Variants in WDR27 observed in about 807,000 individuals in gnomAD.
WDR27 encodes WD repeat-containing protein 27.
In WDR27, 100 loss-of-function variants were observed where a neutral mutation model predicts 114.4. The ratio of observed to expected loss-of-function variants is 0.87; its 90% CI spans 0.74 to 1.03. The LOEUF (loss-of-function observed/expected upper bound fraction) is 1.03. Among genes scored for constraint, WDR27 ranks in the 50% least tolerant of loss-of-function variants. The probability of loss-of-function intolerance (pLI) is 0.00; values close to 1 mark genes in which losing one functional copy is unlikely to be tolerated. For missense variants in WDR27, 1,129 were observed against 1,092.9 expected, an observed-to-expected ratio of 1.03 and a Z score of -0.47; for synonymous variants, 449 against 423.1, an observed-to-expected ratio of 1.06 and a Z score of -0.75.
chr6:169,676,935 T>G (rs1276528968), intron 2 of WDR27, among the ~76,000 whole-genome samples: 3 of 152,242 alleles, frequency 2.0e-5, no homozygotes, highest in Non-Finnish European at 4.4e-5. Context: ...GCCTTGGGCC[T>G]CTGGTCGCTC....
At chr6:169,546,521 C>T (rs1183405926) in intron 25 of WDR27, among the ~76,000 whole-genome samples, 1 of 152,164 alleles carries the variant, frequency 6.6e-6, no homozygotes, top group East Asian at 1.9e-4. Context: ...CCACAGTCTC[C>T]TCAGACTTGC....
At chr6:169,588,082 C>T (rs550909664) in intron 23 of WDR27, among the ~76,000 whole-genome samples, 21 of 152,260 alleles carry the variant, frequency 1.4e-4, no homozygotes, top group East Asian at 5.8e-4. Context: ...CCGCCTTTTA[C>T]GGTAACACAC....
chr6:169,466,392 G>A (rs1475441932), intron 25 of WDR27, among the ~76,000 whole-genome samples: 7 of 152,144 alleles, frequency 4.6e-5, no homozygotes, highest in Admixed American at 3.9e-4. Context: ...CAATCATGGT[G>A]GAAGGGGAAG....
chr6:169,504,092 CAG>C (rs1323786408), intron 25 of WDR27, among the ~76,000 whole-genome samples: 1 of 152,064 alleles, frequency 6.6e-6, no homozygotes, highest in Non-Finnish European at 1.5e-5. Flanking sequence ...GATAGATGAA[CAG>C]TGTGTAGTTA....
chr6:169,632,541 T>C (rs1816684108), intron 21 of WDR27, among the ~76,000 whole-genome samples: 1 of 152,118 alleles, frequency 6.6e-6, no homozygotes, highest in Non-Finnish European at 1.5e-5. Context: ...AAACTTTGTC[T>C]CTGTCAAAAC....
intron 25 of WDR27, among the ~76,000 whole-genome samples, chr6:169,549,248 T>C (rs1797808905): frequency 6.6e-6 from 1 of 152,210 alleles, no homozygotes; most frequent in Non-Finnish European, 1.5e-5. Flanking sequence ...AAGAGGGACA[T>C]ACCGATGGCA....
Position 169,659,444 on chromosome 6 carries a change from G to A in WDR27, c.1197+7C>T, listed in dbSNP as rs149944417. ...ATAGACAGGGAGGGCCGCGTCTCAG[G>A]ACTGACCTTTTGATCCGCAGTGCGG... On this transcript the variant is annotated splice_region_variant and intron_variant, in intron 11 of 25. Coordinates refer to ENST00000448612, the MANE Select transcript of WDR27 (RefSeq NM_182552.5). This position sits in a 1 kb window ranked among gnomAD's most constrained non-coding sequence, Gnocchi z 4.3. The A allele has an allele frequency of 2.9e-5, 46 of 1,606,736 alleles. 1 individual carries two copies. In the Admixed American group the frequency reaches 5.6e-4, roughly 20 times the overall value.
At chr6:169,594,907 G>C (rs1562653216) in intron 23 of WDR27, among the ~76,000 whole-genome samples, 1 of 152,200 alleles carries the variant, frequency 6.6e-6, no homozygotes, top group African/African-American at 2.4e-5. Context: ...CAGGCATGGT[G>C]GCTCAGGCCT....
At chr6:169,640,524 G>C (rs549036727) in intron 17 of WDR27, among the ~76,000 whole-genome samples, 1 of 152,316 alleles carries the variant, frequency 6.6e-6, no homozygotes, top group African/African-American at 2.4e-5. Context: ...CTGCTGCCCA[G>C]CTAACAGCAG....
rs75257655 is a variant in WDR27 at position 169,681,016 on chromosome 6, G to C, written c.189+7801C>G. On this transcript the variant is annotated intron_variant, in intron 2 of 25. Coordinates refer to ENST00000448612, the MANE Select transcript of WDR27 (RefSeq NM_182552.5). ...TGGACATGAAATCCTCAAGAATATA[G>C]AAGACTTGAAGAACACTATTAGCCA... Among the ~76,000 whole-genome samples, 1,362 of 152,226 alleles carry C rather than the reference G, an allele frequency of 8.9e-3. 9 individuals are homozygous for C. The highest frequency in any genetic ancestry group is 0.031 in the African/African-American group (1,272 of 41,536).
chr6:169,499,148 T>A (rs1312418329), intron 25 of WDR27, among the ~76,000 whole-genome samples: 5 of 152,174 alleles, frequency 3.3e-5, no homozygotes, highest in Non-Finnish European at 7.3e-5. Flanking sequence ...AGGCTGCACA[T>A]CTCAAAAGCA....
chr6:169,654,880 G>A (rs1823685072), intron 13 of WDR27, among the ~76,000 whole-genome samples: 1 of 152,234 alleles, frequency 6.6e-6, no homozygotes, highest in Admixed American at 6.5e-5. Context: ...AGCGCGCACA[G>A]AGGAGTTTGT....
At chr6:169,698,152 T>C (rs1786758945) in intron 1 of WDR27, among the ~76,000 whole-genome samples, 1 of 152,190 alleles carries the variant, frequency 6.6e-6, no homozygotes, top group Admixed American at 6.5e-5. Context: ...GCACTCAGAA[T>C]TTCTGGGTCA....
chr6:169,426,504 C>T, the WDR27 span: 3 of 152,230 alleles, frequency 2.0e-5, no homozygotes, highest in East Asian at 5.8e-4. Flanking sequence ...TAAATTATGT[C>T]CATCAGAGCT....
At chr6:169,570,734 C>T (rs1801264492) in intron 25 of WDR27, among the ~76,000 whole-genome samples, 1 of 152,186 alleles carries the variant, frequency 6.6e-6, no homozygotes, top group Admixed American at 6.5e-5. Context: ...GAGGCTGCGG[C>T]AGGAGAATTG....
At chr6:169,446,564 G>GA in the WDR27 span, among the ~76,000 whole-genome samples, 6 of 152,320 alleles carry the variant, frequency 3.9e-5, no homozygotes, top group Middle Eastern at 3.4e-3. Flanking sequence ...GCAGGAGGGA[G>GA]AAAATGCCTT....
Position 169,667,203 on chromosome 6 carries a change from G to C in WDR27, c.661-16C>G. ...GGTCCCAGACCTTTGGATAAACACAGGATTCTTTAGAAGAGGTAACAACGT... is the reference window on the plus strand; with the variant it reads ...GGTCCCAGACCTTTGGATAAACACACGATTCTTTAGAAGAGGTAACAACGT... On this transcript the variant is annotated splice_polypyrimidine_tract_variant and intron_variant, in intron 5 of 25. Transcript: ENST00000448612. 6.7e-7 allele frequency: 1 copy of C among 1,502,180 alleles called. No homozygotes were observed. 93.1% of individuals were successfully genotyped at this position (1,502,180 alleles called of 1,614,324 possible).
chr6:169,437,113 A>T, the WDR27 span, among the ~76,000 whole-genome samples: 1 of 152,208 alleles, frequency 6.6e-6, no homozygotes, highest in African/African-American at 2.4e-5. Flanking sequence ...CTAAGGTAAA[A>T]TGAGTGATTG....
rs1217984037 is a variant in WDR27, at chr6:169,684,373, C to T, written c.189+4444G>A. Among the ~76,000 whole-genome samples, 1 of 152,150 alleles carries T rather than the reference C, an allele frequency of 6.6e-6. No homozygotes were observed. The highest frequency in any genetic ancestry group is 1.5e-5 in the Non-Finnish European group (1 of 68,018). ...TGCCCCAAGAAGAAATACTTCTGGG[C>T]TGCCCAATGTCCCCGAGTCTCCAAT... is the stretch of plus-strand genomic sequence containing the variant. On this transcript the variant is annotated intron_variant, in intron 2 of 25. Coordinates refer to ENST00000448612, the MANE Select transcript of WDR27 (RefSeq NM_182552.5). The surrounding 1 kb of genome is among the most constrained non-coding windows in gnomAD (Gnocchi z 4.3).
Sources: allele counts gnomAD v4.1 joint callset (sites outside exome capture counted in the v4.1 genomes callset), GRCh38; gene constraint gnomAD v4.1.1; non-coding constraint Gnocchi (gnomAD v3.1); transcripts MANE v1.5; gene names NCBI Gene and HGNC (gene_info 2026-07-23, HGNC 2026-07-21).